The following NSMCE2 variants were observed in gnomAD, a reference collection of about 807,000 sequenced individuals.
NSMCE2 encodes the protein E3 SUMO-protein ligase NSE2.
In NSMCE2, 24 loss-of-function variants were observed where a neutral mutation model predicts 23.8. That is an observed-to-expected ratio of 1.01 (90% CI 0.73 to 1.42). The LOEUF is 1.42. NSMCE2 is among the 40% of genes most tolerant of loss of function. The probability of loss-of-function intolerance (pLI) is 0.00; values close to 1 mark genes in which losing one functional copy is unlikely to be tolerated. For synonymous variants in NSMCE2, 92 were observed against 94.1 expected (o/e 0.98, Z 0.13); for missense variants, 284 against 296.5 (o/e 0.96, Z 0.31).
chr8:125,294,129 T>C (rs763780877), intron 5 of NSMCE2, among the ~76,000 whole-genome samples: 2 of 152,236 alleles, frequency 1.3e-5, no homozygotes, highest in African/African-American at 2.4e-5. Flanking sequence ...TTGTAGCATG[T>C]ATCACTATTT....
intron 3 of NSMCE2, among the ~76,000 whole-genome samples, chr8:125,138,527 G>GT (rs1319290151): frequency 2.0e-5 from 3 of 151,922 alleles, no homozygotes; most frequent in Admixed American, 6.6e-5. Flanking sequence ...TGCCTGGCTG[G>GT]TTTTTTTGTT....
At chr8:125,272,271 C>G (rs944162168) in intron 5 of NSMCE2, among the ~76,000 whole-genome samples, 3 of 151,982 alleles carry the variant, frequency 2.0e-5, no homozygotes, top group Non-Finnish European at 4.4e-5. Flanking sequence ...GCCTCAGCCT[C>G]CCAAAGTGCT....
intron 3 of NSMCE2, chr8:125,130,198 A>C (rs1819697769): frequency 2.2e-6 from 1 of 455,356 alleles, no homozygotes; most frequent in South Asian, 1.6e-5. Flanking sequence ...TATTATGATT[A>C]GATTTGCGTT....
chr8:125,254,326 T>C (rs1217929108), intron 5 of NSMCE2, among the ~76,000 whole-genome samples: 1 of 152,244 alleles, frequency 6.6e-6, no homozygotes, highest in Non-Finnish European at 1.5e-5. Flanking sequence ...CAAAACATTT[T>C]ACCAAGAAAT....
chr8:125,150,393 G>A (rs1014086204), intron 3 of NSMCE2, among the ~76,000 whole-genome samples: 2 of 127,014 alleles, frequency 1.6e-5, no homozygotes, highest in African/African-American at 5.9e-5. Context: ...GATATCTTTG[G>A]TTTTCTTTTT....
chr8:125,115,220 T>C lies in NSMCE2; in HGVS notation c.157+12733T>C, dbSNP rs540462198. ...GACTCCACCCATGGAAATGGGCAAA[T>C]GTCACAAATTAGACCCTCCCCAACA... On this transcript the variant is annotated intron_variant, in intron 3 of 7. Transcript: ENST00000287437. Among the ~76,000 whole-genome samples the C allele has an allele frequency of 3.9e-5, 6 of 152,290 alleles. No individual in the cohort carries two copies. The South Asian group carries it at 1.2e-3, about 32-fold the overall frequency.
At chr8:125,222,774 C>A (rs1265288314) in intron 5 of NSMCE2, among the ~76,000 whole-genome samples, 1 of 152,078 alleles carries the variant, frequency 6.6e-6, no homozygotes, top group Non-Finnish European at 1.5e-5. Context: ...CGATGAGAGA[C>A]TCTTAGAGGC....
intron 5 of NSMCE2, among the ~76,000 whole-genome samples, chr8:125,282,083 CG>C (rs2131129892): frequency 6.6e-6 from 1 of 151,702 alleles, no homozygotes; most frequent in African/African-American, 2.4e-5. Flanking sequence ...CTAGAGAAAT[CG>C]GATGTTTGGA....
chr8:125,159,706 G>A (rs1821503342), intron 4 of NSMCE2, among the ~76,000 whole-genome samples: 1 of 152,082 alleles, frequency 6.6e-6, no homozygotes, highest in African/African-American at 2.4e-5. Flanking sequence ...TGCTGGAGTT[G>A]CTTATTAGTC....
chr8:125,321,999 G>A (rs1184080197), intron 5 of NSMCE2, among the ~76,000 whole-genome samples: 1 of 152,094 alleles, frequency 6.6e-6, no homozygotes, highest in African/African-American at 2.4e-5. Context: ...TTTCTTTTAA[G>A]TGTTCGTTCA....
At chr8:125,283,880 G>A (rs189361874) in intron 5 of NSMCE2, among the ~76,000 whole-genome samples, 39 of 152,138 alleles carry the variant, frequency 2.6e-4, no homozygotes, top group Non-Finnish European at 3.2e-4. Flanking sequence ...TAGGCCGGGC[G>A]CAGTGGCTCA....
chr8:125,262,695 G>T (rs1161545958), intron 5 of NSMCE2, among the ~76,000 whole-genome samples: 1 of 151,378 alleles, frequency 6.6e-6, no homozygotes, highest in Non-Finnish European at 1.5e-5. Flanking sequence ...TGGAAGTCTA[G>T]TTTTTTTTTC....
At chr8:125,345,195 T>C (rs1336738902) in intron 5 of NSMCE2, among the ~76,000 whole-genome samples, 3 of 150,602 alleles carry the variant, frequency 2.0e-5, no homozygotes, top group Admixed American at 2.0e-4. Flanking sequence ...TAAATACGTA[T>C]GTGGAGTAGT....
intron 7 of NSMCE2, among the ~76,000 whole-genome samples, chr8:125,358,585 T>C (rs1813388495): frequency 6.6e-6 from 1 of 152,158 alleles, no homozygotes; most frequent in Admixed American, 6.5e-5. Context: ...TGTAATAACA[T>C]AGAATCCTGA....
chr8:125,119,468 C>T (rs187500301), intron 3 of NSMCE2, among the ~76,000 whole-genome samples: 1 of 151,992 alleles, frequency 6.6e-6, no homozygotes, highest in Non-Finnish European at 1.5e-5. Flanking sequence ...GCTTTTTTGT[C>T]TTTGGAGCTG....
chr8:125,363,280 A>T (rs893667650), intron 7 of NSMCE2: 1 of 152,174 alleles, frequency 6.6e-6, no homozygotes, highest in Admixed American at 6.6e-5. Context: ...AGGCAGGTGG[A>T]TCACTTGAGC....
intron 5 of NSMCE2, among the ~76,000 whole-genome samples, chr8:125,214,521 G>A (rs1824491068): frequency 6.6e-6 from 1 of 152,150 alleles, no homozygotes; most frequent in Admixed American, 6.5e-5. Context: ...AAAGGAGTTT[G>A]CCACAGACCA....
rs535586397 is a variant in NSMCE2, at chr8:125,193,857, C to A, written c.418+11601C>A. 9.9e-5 allele frequency among the ~76,000 whole-genome samples: 15 copies of A among 152,274 alleles called. No homozygotes were observed. The East Asian group carries it at 2.9e-3, about 29-fold the overall frequency. On this transcript the variant is annotated intron_variant, in intron 5 of 7. Coordinates refer to ENST00000287437, the MANE Select transcript of NSMCE2 (RefSeq NM_173685.4). ...AGTCTGGTGGACAGTGAGAAGCAGC[C>A]TCATAATTACCCTTTGTTATTCTCT... is the stretch of plus-strand genomic sequence containing the variant.
At chr8:125,172,677 A>G (rs1822278805) in intron 4 of NSMCE2, among the ~76,000 whole-genome samples, 1 of 152,238 alleles carries the variant, frequency 6.6e-6, no homozygotes, top group South Asian at 2.1e-4. Context: ...CATTAGGAGA[A>G]AAAGAGAAGG....
Sources: gnomAD v4.1 joint callset for allele counts (sites outside exome capture counted in the v4.1 genomes callset) on GRCh38, gnomAD v4.1.1 for gene constraint, MANE v1.5 for transcripts, NCBI Gene and HGNC (gene_info 2026-07-23, HGNC 2026-07-21) for gene names.